The following FHIT variants were observed in gnomAD, a reference collection of about 807,000 sequenced individuals.
The protein encoded by FHIT is fragile histidine triad diadenosine triphosphatase.
A neutral mutation model predicts 17.9 loss-of-function variants in FHIT; 19 were observed. The observed-to-expected ratio is 1.06, with a 90% CI of 0.74 to 1.56. FHIT has a LOEUF of 1.56. Ranked by LOEUF, FHIT falls within the 40% of genes most tolerant of loss-of-function variation. The pLI, the probability that FHIT is intolerant of heterozygous loss-of-function variation, is 0.00. For missense variants in FHIT, 248 were observed against 189.2 expected, an observed-to-expected ratio of 1.31 and a Z score of -1.82; for synonymous variants, 81 against 69.7, an observed-to-expected ratio of 1.16 and a Z score of -0.81.
chr3:60,469,406 ATTCT>A (rs1306956993), intron 5 of FHIT, among the ~76,000 whole-genome samples: 3 of 152,014 alleles, frequency 2.0e-5, no homozygotes, highest in Non-Finnish European at 2.9e-5. Flanking sequence ...AAGCTCACTA[ATTCT>A]TTGTTTTGCT....
intron 5 of FHIT, among the ~76,000 whole-genome samples, chr3:60,206,116 C>A (rs1171166589): frequency 1.5e-5 from 2 of 136,464 alleles, no homozygotes; most frequent in Non-Finnish European, 1.6e-5. Flanking sequence ...CTGGGCGACA[C>A]AGCGAGACTC....
chr3:60,144,569 C>T (rs1424128867), intron 5 of FHIT, among the ~76,000 whole-genome samples: 1 of 152,076 alleles, frequency 6.6e-6, no homozygotes, highest in Non-Finnish European at 1.5e-5. Flanking sequence ...AACATTTTCT[C>T]AGTTAACTGA....
rs1217463842 is a variant in FHIT, at chr3:59,749,357, CA to C, written c.*227del. ...ATCATAAGGCTGCCGAATAAGGAGA[CA>C]GGGGGAAACCTCAAATCTGCCTGTC... On this transcript the variant is annotated 3_prime_UTR_variant, in exon 10 of 10. Coordinates refer to ENST00000492590, the MANE Select transcript of FHIT (RefSeq NM_002012.4). The C allele has an allele frequency of 1.3e-5, 3 of 230,718 alleles. No homozygotes were observed. The highest frequency in any genetic ancestry group is 6.1e-5 in the East Asian group (1 of 16,356). 14.3% of individuals were successfully genotyped at this position (230,718 alleles called of 1,614,324 possible).
intron 5 of FHIT, among the ~76,000 whole-genome samples, chr3:60,097,262 T>C (rs1470299313): frequency 6.6e-6 from 1 of 151,986 alleles, no homozygotes; most frequent in Non-Finnish European, 1.5e-5. Flanking sequence ...AAACAGAAGA[T>C]GAGGAGCTTA....
Position 60,341,457 on chromosome 3 carries a change from A to C in FHIT, c.103+195403T>G, listed in dbSNP as rs114205436. Among the ~76,000 whole-genome samples, 447 of 152,340 alleles carry C rather than the reference A, an allele frequency of 2.9e-3. 4 individuals carry two copies. Among genetic ancestry groups the C allele is most frequent in the African/African-American group, 0.01 (428 of 41,580 alleles). On this transcript the variant is annotated intron_variant, in intron 5 of 9. Transcript: ENST00000492590. ...ACCAGGCCCACGTGGAGACAAAGGC[A>C]GGATTGAATGAGAAAAATGTGTTTC... is the stretch of plus-strand genomic sequence containing the variant.
At chr3:60,623,451 G>A (rs1009632214) in intron 4 of FHIT, among the ~76,000 whole-genome samples, 6 of 152,244 alleles carry the variant, frequency 3.9e-5, no homozygotes, top group African/African-American at 1.4e-4. Flanking sequence ...ATAGGACAAG[G>A]ATTTATATCC....
At chr3:60,841,851 G>T (rs907489567) in intron 3 of FHIT, among the ~76,000 whole-genome samples, 6 of 151,936 alleles carry the variant, frequency 3.9e-5, no homozygotes, top group African/African-American at 1.2e-4. Context: ...AACTGAGAAG[G>T]CTACTAAATA....
intron 1 of FHIT, among the ~76,000 whole-genome samples, chr3:61,215,233 A>C (rs1471609375): frequency 6.6e-6 from 1 of 152,000 alleles, no homozygotes; most frequent in African/African-American, 2.4e-5. Context: ...CCCTGTTTGC[A>C]GATGACATGA....
At chr3:60,964,834 C>T (rs548128158) in intron 3 of FHIT, among the ~76,000 whole-genome samples, 1 of 152,136 alleles carries the variant, frequency 6.6e-6, no homozygotes, top group African/African-American at 2.4e-5. Flanking sequence ...TTGTGGGTAA[C>T]CTGACCTTTC....
chr3:61,245,119 A>G (rs1325975829), intron 1 of FHIT, among the ~76,000 whole-genome samples: 2 of 152,214 alleles, frequency 1.3e-5, no homozygotes, highest in Non-Finnish European at 2.9e-5. Context: ...TATTCAAAAT[A>G]TGATAAACAA....
chr3:60,459,366 G>A (rs1477951615), intron 5 of FHIT, among the ~76,000 whole-genome samples: 1 of 152,058 alleles, frequency 6.6e-6, no homozygotes, highest in East Asian at 1.9e-4. Context: ...AAATGTCAAA[G>A]ATCAATTAAC....
chr3:60,403,647 C>G (rs1701746724), intron 5 of FHIT, among the ~76,000 whole-genome samples: 3 of 152,152 alleles, frequency 2.0e-5, no homozygotes, highest in Non-Finnish European at 4.4e-5. Flanking sequence ...CTGCCCCATA[C>G]CCAGAAGCAA....
intron 3 of FHIT, among the ~76,000 whole-genome samples, chr3:60,835,684 C>T (rs184577937): frequency 6.6e-6 from 1 of 152,166 alleles, no homozygotes; most frequent in Admixed American, 6.5e-5. Context: ...TTGGCACAAA[C>T]ACAACCTTCT....
chr3:60,452,207 TA>T, intron 5 of FHIT, among the ~76,000 whole-genome samples: 1 of 152,264 alleles, frequency 6.6e-6, no homozygotes, highest in South Asian at 2.1e-4. Flanking sequence ...AATGCAGCAA[TA>T]GCAGCCACAC....
At chr3:60,483,739 C>T (rs1442049011) in intron 5 of FHIT, among the ~76,000 whole-genome samples, 1 of 151,958 alleles carries the variant, frequency 6.6e-6, no homozygotes, top group Non-Finnish European at 1.5e-5. Context: ...ATGGGTAAAA[C>T]CTGGAAGCAT....
intron 4 of FHIT, among the ~76,000 whole-genome samples, chr3:60,818,323 A>G (rs1443377840): frequency 3.9e-5 from 6 of 152,154 alleles, no homozygotes; most frequent in African/African-American, 1.4e-4. Context: ...ATGATATGCA[A>G]GTATTGATGT....
intron 4 of FHIT, among the ~76,000 whole-genome samples, chr3:60,724,286 T>C (rs2041869455): frequency 6.6e-6 from 1 of 152,252 alleles, no homozygotes; most frequent in African/African-American, 2.4e-5. Flanking sequence ...TCAAGGTTCC[T>C]CCATGATGTA....
chr3:60,352,802 C>G (rs1207835237), intron 5 of FHIT, among the ~76,000 whole-genome samples: 1 of 152,160 alleles, frequency 6.6e-6, no homozygotes, highest in Admixed American at 6.6e-5. Context: ...GCTCAATGCA[C>G]CATACCTGAC....
intron 8 of FHIT, among the ~76,000 whole-genome samples, chr3:59,795,719 C>G (rs1699751136): frequency 6.6e-6 from 1 of 152,012 alleles, no homozygotes; most frequent in African/African-American, 2.4e-5. Flanking sequence ...AGAGCAAAAC[C>G]CGGTCTCAAA....
Sources: gnomAD v4.1 joint callset for allele counts (sites outside exome capture counted in the v4.1 genomes callset) on GRCh38, gnomAD v4.1.1 for gene constraint, MANE v1.5 for transcripts, NCBI Gene and HGNC (gene_info 2026-07-23, HGNC 2026-07-21) for gene names.